F13B: variants seen among roughly 807,000 people sequenced by gnomAD.
The protein encoded by F13B is coagulation factor XIII B chain.
In F13B, 58 loss-of-function variants were observed where a neutral mutation model predicts 79.8. The ratio of observed to expected loss-of-function variants is 0.73; its 90% CI spans 0.59 to 0.90. The LOEUF is 0.90. F13B is among the 40% of genes least tolerant of loss of function. The pLI is 0.00. For missense variants in F13B, 773 were observed against 777.0 expected (o/e 0.99, Z 0.06); for synonymous variants, 283 against 260.3 (o/e 1.09, Z -0.84).
intron 10 of F13B, among the ~76,000 whole-genome samples, chr1:197,048,938 A>C (rs1183573503): frequency 6.6e-6 from 1 of 152,100 alleles, no homozygotes; most frequent in Non-Finnish European, 1.5e-5. Context: ...AATTGAATTA[A>C]ACTAGAAATC....
At chr1:197,067,119 G>T in intron 1 of F13B, 41 bp downstream of exon 1, 1 of 1,181,474 alleles carries the variant, frequency 8.5e-7, no homozygotes, top group South Asian at 1.3e-5. Flanking sequence ...ATCTCCATTT[G>T]TATGTTTTAG....
At chr1:197,053,988 T>C (rs1013161387) in intron 8 of F13B, among the ~76,000 whole-genome samples, 1 of 152,068 alleles carries the variant, frequency 6.6e-6, no homozygotes, top group African/African-American at 2.4e-5. Context: ...GAGAGACTCT[T>C]AATGTCTGGA....
chr1:197,051,260 T>G (rs1655429844), intron 9 of F13B, among the ~76,000 whole-genome samples: 1 of 152,180 alleles, frequency 6.6e-6, no homozygotes, highest in East Asian at 1.9e-4. Context: ...ATTGAAGATG[T>G]TTTTGCAATA....
At chr1:197,055,982 A>T in intron 7 of F13B, 85 bp from the exon 8 acceptor site, 2 of 1,166,850 alleles carry the variant, frequency 1.7e-6, no homozygotes, top group South Asian at 2.8e-5. Flanking sequence ...CGATATTTGT[A>T]TTATATAATT....
In F13B at chr1:197,057,124, A is replaced by G. The variant is rs376295989; in HGVS notation, c.1060T>C (p.Tyr354His). 57 of 1,613,764 alleles carry G rather than the reference A, an allele frequency of 3.5e-5. No homozygotes were observed. The Middle Eastern group carries it at 1.2e-3, about 33-fold the overall frequency. Residue 354 changes from tyrosine (Y) to histidine (H), a missense_variant, in exon 7 of 12, where the codon TAT (tyrosine) becomes CAT (histidine). Coordinates refer to ENST00000367412, the MANE Select transcript of F13B (RefSeq NM_001994.3). ...TATGTCACTTTATCCCCATTGTAAT[A>G]AATCTTAGAGTGTAAATTTGCTGCA... ...NGAANLHSKIYYNGDKVTYAC... is the reference protein window; with the variant it reads ...NGAANLHSKIHYNGDKVTYAC...
In F13B at chr1:197,060,973, T is replaced by C; in HGVS notation, c.554A>G (p.Tyr185Cys). 6.2e-7 allele frequency: 1 copy of C among 1,612,730 alleles called. No homozygotes were observed. The highest frequency in any genetic ancestry group is 8.5e-7 in the Non-Finnish European group (1 of 1,178,936). ...KVQYECATGY[Y>C]TAGGKKTEEV... Reference sequence around the variant, plus strand: ...CTCTGTCTTCTTTCCTCCAGCTGTGTAGTAGCCAGTAGCACATTCGTATTG... The same window carrying C: ...CTCTGTCTTCTTTCCTCCAGCTGTGCAGTAGCCAGTAGCACATTCGTATTG... Residue 185 changes from tyrosine (Y) to cysteine (C), a missense_variant, in exon 4 of 12, where the codon TAC becomes TGC. Transcript: ENST00000367412.
intron 10 of F13B, among the ~76,000 whole-genome samples, chr1:197,042,583 C>T (rs1426586993): frequency 6.6e-6 from 1 of 150,400 alleles, no homozygotes; most frequent in Non-Finnish European, 1.5e-5. Context: ...CTTTGGGAGG[C>T]CAAGGCGGGC....
intron 8 of F13B, among the ~76,000 whole-genome samples, chr1:197,055,311 T>C (rs1655598449): frequency 6.6e-6 from 1 of 151,962 alleles, no homozygotes; most frequent in African/African-American, 2.4e-5. Flanking sequence ...CTATAATATA[T>C]TAGCAATATA....
chr1:197,067,209 G>GT lies in F13B; in HGVS notation c.14dup (p.Asn5LysfsTer39). 6.2e-7 allele frequency: 1 copy of GT among 1,609,604 alleles called. No individual in the cohort carries two copies. The highest frequency in any genetic ancestry group is 8.5e-7 in the Non-Finnish European group (1 of 1,176,526). On this transcript the variant is annotated frameshift_variant, in exon 1 of 12. Transcript: ENST00000367412. LOFTEE classifies it high-confidence loss of function. The stretch of plus-strand genomic sequence containing the variant: ...TTATCAATATGATGATAAAAGTCAG[G>GT]TTTTTCAACCTCATCTTCAGTGGTG...
intron 10 of F13B, among the ~76,000 whole-genome samples, chr1:197,046,824 AT>A (rs952986263): frequency 2.0e-5 from 3 of 152,190 alleles, no homozygotes; most frequent in African/African-American, 7.2e-5. Context: ...ATATAGACCA[AT>A]GGAACAGAAC....
At chr1:197,048,119 A>G (rs1416676965) in intron 10 of F13B, among the ~76,000 whole-genome samples, 1 of 151,460 alleles carries the variant, frequency 6.6e-6, no homozygotes, top group East Asian at 1.9e-4. Context: ...TATGTACCCT[A>G]GAACTTAAAA....
intron 7 of F13B, 31 bp from the exon 8 acceptor site, chr1:197,055,928 T>A (rs1257584587): frequency 1.9e-6 from 3 of 1,562,460 alleles, no homozygotes; most frequent in Non-Finnish European, 2.6e-6. Flanking sequence ...AAAATTAATA[T>A]GAGCTCATAA....
At position 197,067,230 on chromosome 1, in the gene F13B, T is replaced by C. The variant is rs763038126; in HGVS notation, c.-7A>G. On this transcript the variant is annotated 5_prime_UTR_variant, in exon 1 of 12. Transcript: ENST00000367412. ...TCAGGTTTTTCAACCTCATCTTCAG[T>C]GGTGTGCTTCACAAAGATTTTAACA... 1.2e-6 allele frequency: 2 copies of C among 1,604,190 alleles called. No individual in the cohort carries two copies. Among genetic ancestry groups the C allele is most frequent in the Non-Finnish European group, 1.7e-6 (2 of 1,171,690 alleles).
chr1:197,061,064 C>A lies in F13B; in HGVS notation c.463G>T (p.Ala155Ser), dbSNP rs1381213002. Residue 155 changes from alanine to serine, a missense_variant, in exon 4 of 12, where the codon GCT becomes TCT. By Grantham distance (99) the Ala-to-Ser change is moderately conservative. Transcript: ENST00000367412. ...TCRKEHETCLAPELYNGNYST... is the reference protein window; with the variant it reads ...TCRKEHETCLSPELYNGNYST... Reference sequence around the variant, plus strand: ...TAATTTCCATTATATAATTCAGGAGCCAAACATGTTTCTAAAATTATAAAA... The same window carrying A: ...TAATTTCCATTATATAATTCAGGAGACAAACATGTTTCTAAAATTATAAAA... 2 of 1,504,272 alleles carry A rather than the reference C, an allele frequency of 1.3e-6. No homozygotes were observed. The highest frequency in any genetic ancestry group is 2.6e-5 in the South Asian group (2 of 77,106). 93.2% of individuals were successfully genotyped at this position (1,504,272 alleles called of 1,614,324 possible). A position where few individuals can be genotyped will look rare whatever the true frequency, so the allele number is the denominator to read the frequency against.
chr1:197,062,746 G>T, intron 2 of F13B, 111 bp downstream of exon 2: 1 of 943,784 alleles, frequency 1.1e-6, no homozygotes. Context: ...TAGTGATTTT[G>T]TTCTTATCTA....
chr1:197,060,829 C>G (rs540206384), intron 4 of F13B, 70 bp downstream of exon 4: 24 of 1,404,264 alleles, frequency 1.7e-5, no homozygotes, highest in Non-Finnish European at 2.2e-5. Context: ...AGCATGACAA[C>G]TTATATACAC....
intron 1 of F13B, 150 bp downstream of exon 1, chr1:197,067,010 G>T: frequency 2.4e-6 from 1 of 423,988 alleles, no homozygotes; most frequent in Non-Finnish European, 4.1e-6. Context: ...CAAAGGAAAA[G>T]GTCTAAATAT....
chr1:197,061,267 TTC>T (rs1655851863), intron 3 of F13B, among the ~76,000 whole-genome samples, 192 bp from the exon 4 acceptor site: 1 of 152,206 alleles, frequency 6.6e-6, no homozygotes, highest in South Asian at 2.1e-4. Context: ...TCTACCAGTT[TTC>T]TGTTTTTAAA....
chr1:197,042,134 G>A (rs1449992524), intron 10 of F13B, among the ~76,000 whole-genome samples: 3 of 152,130 alleles, frequency 2.0e-5, no homozygotes, highest in Non-Finnish European at 2.9e-5. Flanking sequence ...AAGTGAAACC[G>A]CAGCTGAGAG....
Sources: allele counts gnomAD v4.1 joint callset (sites outside exome capture counted in the v4.1 genomes callset), GRCh38; gene constraint gnomAD v4.1.1; transcripts MANE v1.5; gene names NCBI Gene and HGNC (gene_info 2026-07-23, HGNC 2026-07-21).